EIF4A2: variants seen among roughly 807,000 people sequenced by gnomAD.
EIF4A2 encodes eukaryotic initiation factor 4A-II.
Under a neutral mutation model 50.6 loss-of-function variants are expected in EIF4A2, and 9 were observed. The ratio of observed to expected loss-of-function variants is 0.18; its 90% CI spans 0.11 to 0.31. The LOEUF is 0.31. Among genes scored for constraint, EIF4A2 ranks in the 10% least tolerant of loss-of-function variants. The pLI, the probability that EIF4A2 is intolerant of heterozygous loss-of-function variation, is 1.00. For missense variants in EIF4A2, 182 were observed against 501.8 expected (o/e 0.36, Z 6.09); for synonymous variants, 215 against 164.4 (o/e 1.31, Z -2.35).
rs1560082706 is a variant in EIF4A2 at position 186,783,630 on chromosome 3, A to G, written c.20A>G (p.Asp7Gly). Residue 7 changes from aspartate to glycine, a missense_variant, in exon 1 of 11, where the codon GAT becomes GGT. Physicochemically the swap from Asp to Gly is moderately conservative, Grantham distance 94. Coordinates refer to ENST00000323963, the MANE Select transcript of EIF4A2 (RefSeq NM_001967.4). Reference protein sequence around the residue: MSGGSADYNREHGGPEG... With the variant: MSGGSAGYNREHGGPEG... ...CGGATCATGTCTGGTGGCTCCGCGG[A>G]TTATAACAGGTATGCAGTCTGTTGG... The G allele has an allele frequency of 2.8e-5, 45 of 1,614,100 alleles. No homozygotes were observed. The highest frequency in any genetic ancestry group is 3.6e-5 in the Non-Finnish European group (43 of 1,180,036).
intron 4 of EIF4A2, chr3:186,785,603 TCC>T: frequency 2.5e-6 from 1 of 393,432 alleles, no homozygotes; most frequent in Non-Finnish European, 4.6e-6. Flanking sequence ...CACTACGTAC[TCC>T]CTACCTACAG....
rs1337796123 is a variant in EIF4A2, at chr3:186,785,978, G to T, written c.444G>T (p.Leu148=). ...ATGTTCGAAATGAAATGCAAAAACT[G>T]CAGGCTGAAGCACCACATATTGTTG... ...GTNVRNEMQK[L]QAEAPHIVVG... is the part of the protein sequence containing the mutation. Residue 148 remains leucine (L), a synonymous_variant, in exon 5 of 11, where the codon CTG becomes CTT. Coordinates refer to ENST00000323963, the MANE Select transcript of EIF4A2 (RefSeq NM_001967.4). 8 of 1,613,334 alleles carry T rather than the reference G, an allele frequency of 5.0e-6. No homozygotes were observed. Among genetic ancestry groups the T allele is most frequent in the Admixed American group, 1.7e-5 (1 of 59,996 alleles).
intron 10 of EIF4A2, 67 bp from the exon 11 acceptor site, chr3:186,789,058 G>T: frequency 1.3e-6 from 2 of 1,526,790 alleles, no homozygotes; most frequent in Non-Finnish European, 8.8e-7. Flanking sequence ...GTTAACAAGT[G>T]GATCGTCATG....
Position 186,785,863 on chromosome 3 carries a change from A to T in EIF4A2, c.349-20A>T. On this transcript the variant is annotated intron_variant, in intron 4 of 10. Transcript: ENST00000323963. ...TGATCCTGGAGTTCTGCGGAATAAT[A>T]ATTAAGGCTTGGGTTTTAGATCCAA... 1 of 1,581,650 alleles carries T rather than the reference A, an allele frequency of 6.3e-7. No individual in the cohort carries two copies. The highest frequency in any genetic ancestry group is 8.6e-7 in the Non-Finnish European group (1 of 1,157,014).
chr3:186,786,781 G>C, intron 7 of EIF4A2, 136 bp downstream of exon 7: 1 of 1,232,996 alleles, frequency 8.1e-7, no homozygotes, highest in South Asian at 1.2e-5. Context: ...AACAGCACTA[G>C]ATTGTAAAGA....
At position 186,787,789 on chromosome 3, in the gene EIF4A2, C is replaced by A. The variant is rs201424457; in HGVS notation, c.1000-14C>A. The A allele has an allele frequency of 3.5e-4, 565 of 1,613,698 alleles. 2 individuals are homozygous for A. The highest frequency in any genetic ancestry group is 1.2e-4 in the Admixed American group (7 of 59,964). On this transcript the variant is annotated splice_polypyrimidine_tract_variant and intron_variant, in intron 9 of 10. Transcript: ENST00000323963. The stretch of plus-strand genomic sequence containing the variant: ...TTTTTGAATCAATTTTTAAAACATG[C>A]CATTGTGTTTCAGGCTCGCGGGATT...
chr3:186,789,881 TGTA>T lies in EIF4A2; in HGVS notation c.*613_*615del, dbSNP rs1722014630. 1 of 824,044 alleles carries T rather than the reference TGTA, an allele frequency of 1.2e-6. No individual in the cohort carries two copies. Among genetic ancestry groups the T allele is most frequent in the Non-Finnish European group, 1.9e-6 (1 of 515,452 alleles). The allele number at this position is 824,044 out of a possible 1,614,324, so 51.0% of individuals were successfully genotyped here. On this transcript the variant is annotated 3_prime_UTR_variant, in exon 11 of 11. Coordinates refer to ENST00000323963, the MANE Select transcript of EIF4A2 (RefSeq NM_001967.4). ...AATGAAGTTTGAATGTTAAATAAAT[TGTA>T]TATTCACTTTAAAGGTGCTTTTGGT...
rs1346658873 is a variant in EIF4A2 at position 186,785,324 on chromosome 3, T to C, written c.348+223T>C. ...TAGATTGAGAATCCGAAGCGCTCTC[T>C]TGGATGTACTAGATCTGTCCCCATT... On this transcript the variant is annotated intron_variant, in intron 4 of 10. Coordinates refer to ENST00000323963, the MANE Select transcript of EIF4A2 (RefSeq NM_001967.4). 8.2e-6 allele frequency: 5 copies of C among 607,226 alleles called. No individual in the cohort carries two copies. In the Admixed American group the frequency reaches 1.0e-4, roughly 12 times the overall value. 37.6% of individuals were successfully genotyped at this position (607,226 alleles called of 1,614,324 possible). A position where few individuals can be genotyped will look rare whatever the true frequency, so the allele number is the denominator to read the frequency against.
rs17851348 is a variant in EIF4A2 at position 186,784,568 on chromosome 3, A to G, written c.80A>G (p.Asn27Ser). 3 of 1,614,096 alleles carry G rather than the reference A, an allele frequency of 1.9e-6. No homozygotes were observed. Among genetic ancestry groups the G allele is most frequent in the African/African-American group, 1.3e-5 (1 of 74,948 alleles). ...ATTATTTTTTCTAACTTACAGAGCA[A>G]CTGGAATGAGATTGTTGATAACTTT... ...GMDPDGVIES[N>S]WNEIVDNFDD... The change falls in exon 3 of 11, where the codon AAC (asparagine) becomes AGC (serine). Residue 27 changes from asparagine to serine, a missense_variant. This residue lies in a region of EIF4A2 where 113 missense variants were observed against 357.3 expected (regional missense o/e 0.32). Transcript: ENST00000323963.
chr3:186,786,924 A>AG, intron 7 of EIF4A2: 1 of 908,162 alleles, frequency 1.1e-6, no homozygotes, highest in Non-Finnish European at 1.7e-6. Context: ...AGACTGGCTA[A>AG]GACTGGCCAA....
rs1050431055 is a variant in EIF4A2, at chr3:186,783,600, T to G, written c.-11T>G. 5.6e-6 allele frequency: 9 copies of G among 1,613,708 alleles called. No individual in the cohort carries two copies. In the African/African-American group the frequency reaches 6.7e-5, roughly 12 times the overall value. On this transcript the variant is annotated 5_prime_UTR_variant, in exon 1 of 11. Coordinates refer to ENST00000323963, the MANE Select transcript of EIF4A2 (RefSeq NM_001967.4). ...GTCTTTTCAGTCGGGCGCTGAGTGGTTTTTCGGATCATGTCTGGTGGCTCC... is the reference window on the plus strand; with the variant it reads ...GTCTTTTCAGTCGGGCGCTGAGTGGGTTTTCGGATCATGTCTGGTGGCTCC...
Position 186,789,566 on chromosome 3 carries a change from C to T in EIF4A2, c.*297C>T, listed in dbSNP as rs1246351233. The T allele has an allele frequency of 8.8e-6, 3 of 340,810 alleles. No individual in the cohort carries two copies. The highest frequency in any genetic ancestry group is 1.6e-5 in the Non-Finnish European group (3 of 188,198). The allele number at this position is 340,810 out of a possible 1,614,324, so 21.1% of individuals were successfully genotyped here. A position where few individuals can be genotyped will look rare whatever the true frequency, so the allele number is the denominator to read the frequency against. ...TGTAGAAATGGTTGTATTAGATGTTCTCTATCATTTAATAATATACTTGTG... is the reference window on the plus strand; with the variant it reads ...TGTAGAAATGGTTGTATTAGATGTTTTCTATCATTTAATAATATACTTGTG... On this transcript the variant is annotated 3_prime_UTR_variant, in exon 11 of 11. Transcript: ENST00000323963.
At chr3:186,784,160 GGGGGCGGAGTTC>G in intron 1 of EIF4A2, 1 of 544,092 alleles carries the variant, frequency 1.8e-6, no homozygotes, top group East Asian at 3.2e-5. Flanking sequence ...GCGCATTGTT[GGGGGCGGAGTTC>G]GGCGCTCCGA....
At chr3:186,783,713 C>A (rs266720) in intron 1 of EIF4A2, 74 bp downstream of exon 1, 769,450 of 1,609,940 alleles carry the variant, frequency 0.48, 185,340 homozygotes, top group Admixed American at 0.51. Flanking sequence ...GTGGATGGCA[C>A]GGAGGCAAAA....
chr3:186,788,022 A>G, intron 10 of EIF4A2, 140 bp downstream of exon 10: 2 of 946,244 alleles, frequency 2.1e-6, no homozygotes, highest in East Asian at 2.6e-5. Flanking sequence ...TTAAATTTGT[A>G]CTAGGGAAGG....
intron 3 of EIF4A2, 109 bp downstream of exon 3, chr3:186,784,805 G>A: frequency 6.2e-7 from 1 of 1,600,848 alleles, no homozygotes; most frequent in South Asian, 1.1e-5. Flanking sequence ...AAAGTGAAAT[G>A]ATGGCAATCA....
chr3:186,784,405 GTC>G (rs773989577), intron 1 of EIF4A2, 25 bp from the exon 2 acceptor site: 5 of 1,614,104 alleles, frequency 3.1e-6, no homozygotes, highest in Non-Finnish European at 4.2e-6. Context: ...TGGAAGGGGT[GTC>G]TGACTGCAGT....
chr3:186,788,971 C>T, intron 10 of EIF4A2, 154 bp from the exon 11 acceptor site: 1 of 1,087,260 alleles, frequency 9.2e-7, no homozygotes, highest in Non-Finnish European at 1.3e-6. Flanking sequence ...AGATTTTTTT[C>T]TCTAGATATG....
Position 186,789,894 on chromosome 3 carries a change from TAA to T in EIF4A2, c.*627_*628del, listed in dbSNP as rs1203105751. The T allele has an allele frequency of 1.1e-6, 1 of 929,756 alleles. No homozygotes were observed. Among genetic ancestry groups the T allele is most frequent in the Non-Finnish European group, 1.7e-6 (1 of 597,394 alleles). The allele number at this position is 929,756 out of a possible 1,614,324, so 57.6% of individuals were successfully genotyped here. On this transcript the variant is annotated 3_prime_UTR_variant, in exon 11 of 11. Coordinates refer to ENST00000323963, the MANE Select transcript of EIF4A2 (RefSeq NM_001967.4). Reference sequence around the variant, plus strand: ...TGTTAAATAAATTGTATATTCACTTTAAAGGTGCTTTTGGTCATTTTATTTTT... The same window carrying T: ...TGTTAAATAAATTGTATATTCACTTTAGGTGCTTTTGGTCATTTTATTTTT...
Sources: allele counts gnomAD v4.1 joint callset, GRCh38; gene constraint gnomAD v4.1.1; regional missense constraint gnomAD v4.1.1; transcripts MANE v1.5; gene names NCBI Gene and HGNC (gene_info 2026-07-23, HGNC 2026-07-21).